RELN: variants seen among roughly 807,000 people sequenced by gnomAD.
RELN encodes the protein reelin.
RELN carries 108 observed loss-of-function variants against 427.6 expected under a neutral mutation model. The ratio of observed to expected loss-of-function variants is 0.25; its 90% CI spans 0.22 to 0.30. RELN has a LOEUF of 0.30. Among genes scored for constraint, RELN ranks in the 10% least tolerant of loss-of-function variants. The pLI, the probability that RELN is intolerant of heterozygous loss-of-function variation, is 1.00. For synonymous variants in RELN, 1,524 were observed against 1,513.4 expected, an observed-to-expected ratio of 1.01 and a Z score of -0.16; for missense variants, 3,715 against 4,302.8, an observed-to-expected ratio of 0.86 and a Z score of 3.82.
rs182997450 is a variant in RELN at position 103,896,827 on chromosome 7, G to A, written c.337+20248C>T. 1.5e-4 allele frequency among the ~76,000 whole-genome samples: 23 copies of A among 152,164 alleles called. No homozygotes were observed. The East Asian group carries it at 4.3e-3, about 28-fold the overall frequency. On this transcript the variant is annotated intron_variant, in intron 2 of 64. Coordinates refer to ENST00000428762, the MANE Select transcript of RELN (RefSeq NM_005045.4). ...TTTCATAATAAAATGTTGAACAGTA[G>A]ACTGATACGACTTCAATTAAATACA... is the stretch of plus-strand genomic sequence containing the variant.
At chr7:103,896,378 T>C (rs1794961090) in intron 2 of RELN, among the ~76,000 whole-genome samples, 1 of 152,050 alleles carries the variant, frequency 6.6e-6, no homozygotes, top group Non-Finnish European at 1.5e-5. Flanking sequence ...AGCAGCTGTA[T>C]GCATAATAAC....
At chr7:103,688,244 C>T (rs1228712752) in intron 10 of RELN, among the ~76,000 whole-genome samples, 1 of 152,142 alleles carries the variant, frequency 6.6e-6, no homozygotes, top group Non-Finnish European at 1.5e-5. Context: ...ACAAGTCTAA[C>T]TGAGCTCAGG....
rs1422208791 is a variant in RELN, at chr7:103,561,690, C to A, written c.5371G>T (p.Gly1791Ter). The change falls in exon 36 of 65, where the codon GGA becomes TGA. Residue 1791 changes from glycine (G) to a stop codon, truncating the protein, a stop_gained. Coordinates refer to ENST00000428762, the MANE Select transcript of RELN (RefSeq NM_005045.4). LOFTEE classifies it high-confidence loss of function. ...GGAACAACAGGAACACAATAGGGTC[C>A]ACCAAAGCCCCGGTCACACCTAAGA... ...GRCVCDRGFG[G>*]PYCVPVVPLP... 1 of 1,613,780 alleles carries A rather than the reference C, an allele frequency of 6.2e-7. No homozygotes were observed. The highest frequency in any genetic ancestry group is 8.5e-7 in the Non-Finnish European group (1 of 1,179,936).
At chr7:103,728,725 T>C (rs1424233670) in intron 6 of RELN, among the ~76,000 whole-genome samples, 5 of 152,154 alleles carry the variant, frequency 3.3e-5, no homozygotes, top group Non-Finnish European at 7.4e-5. Context: ...TTTTAAACAT[T>C]TTTCTTTGGA....
chr7:103,544,243 T>C (rs1830238054), intron 42 of RELN, among the ~76,000 whole-genome samples: 1 of 56,926 alleles, frequency 1.8e-5, no homozygotes, highest in African/African-American at 5.4e-5. Flanking sequence ...TTTTTTTTTT[T>C]TTTTTTTTTT....
chr7:103,519,286 G>A (rs373014235), intron 49 of RELN, 37 bp downstream of exon 49: 216 of 1,504,476 alleles, frequency 1.4e-4, no homozygotes, highest in Admixed American at 8.4e-4. Flanking sequence ...ATCTCTGCTC[G>A]ATGTACTCGT....
At chr7:103,926,099 C>CTT (rs55899563) in intron 1 of RELN, among the ~76,000 whole-genome samples, 5 of 90,070 alleles carry the variant, frequency 5.6e-5, no homozygotes, top group African/African-American at 8.7e-5. Context: ...CCCACCCCGC[C>CTT]TTTTTTTTTT....
At chr7:103,888,398 G>A (rs1450819099) in intron 2 of RELN, among the ~76,000 whole-genome samples, 2 of 152,118 alleles carry the variant, frequency 1.3e-5, no homozygotes, top group African/African-American at 4.8e-5. Flanking sequence ...GCTGGGGCTT[G>A]GACCAAGAAC....
At chr7:103,535,549 T>C in intron 45 of RELN, 65 bp from the exon 46 acceptor site, 1 of 1,453,546 alleles carries the variant, frequency 6.9e-7, no homozygotes, top group East Asian at 2.3e-5. Context: ...CATAATTGTT[T>C]ATCACATTTG....
At chr7:103,671,153 G>A (rs944205597) in intron 11 of RELN, among the ~76,000 whole-genome samples, 5 of 152,060 alleles carry the variant, frequency 3.3e-5, no homozygotes, top group African/African-American at 4.8e-5. Context: ...TCTAGTACGA[G>A]TCCTCTGAAG....
intron 3 of RELN, among the ~76,000 whole-genome samples, chr7:103,826,151 A>T (rs185467514): frequency 7.2e-6 from 1 of 138,692 alleles, no homozygotes; most frequent in East Asian, 2.1e-4. Flanking sequence ...AGTTTCTGCC[A>T]TGTGATGCCT....
At chr7:103,778,096 C>T (rs1207756010) in intron 3 of RELN, among the ~76,000 whole-genome samples, 1 of 152,138 alleles carries the variant, frequency 6.6e-6, no homozygotes, top group East Asian at 1.9e-4. Context: ...TTTAAATATT[C>T]ACATAAGTTT....
intron 61 of RELN, among the ~76,000 whole-genome samples, chr7:103,484,904 G>C (rs80248035): frequency 0.01 from 1,557 of 152,232 alleles, 31 homozygotes; most frequent in African/African-American, 0.036. Context: ...TCAGAGCTGA[G>C]GGAAAACTGA....
intron 7 of RELN, among the ~76,000 whole-genome samples, chr7:103,726,853 C>T (rs924027519): frequency 6.6e-6 from 1 of 152,084 alleles, no homozygotes; most frequent in Non-Finnish European, 1.5e-5. Context: ...AAAATCTTCA[C>T]CACCAGAGTC....
Position 103,722,757 on chromosome 7 carries a change from T to C in RELN, c.805+383A>G, listed in dbSNP as rs187228411. ...ATTGGTTTCTTTCGGTTACCAGTAA[T>C]TATCTTTCTCACTACCAGTTAGTCA... On this transcript the variant is annotated intron_variant, in intron 8 of 64. Transcript: ENST00000428762. Among the ~76,000 whole-genome samples the C allele has an allele frequency of 1.0e-3, 156 of 152,292 alleles. 2 individuals carry two copies. The highest frequency in any genetic ancestry group is 5.6e-3 in the Admixed American group (85 of 15,278).
intron 15 of RELN, among the ~76,000 whole-genome samples, chr7:103,650,983 C>T (rs1832902677): frequency 6.6e-6 from 1 of 152,026 alleles, no homozygotes; most frequent in African/African-American, 2.4e-5. Flanking sequence ...AGAAATTTTT[C>T]CATCAGTGCT....
intron 50 of RELN, 94 bp from the exon 51 acceptor site, chr7:103,511,099 T>C (rs1584251216): frequency 1.2e-6 from 1 of 826,074 alleles, no homozygotes; most frequent in Non-Finnish European, 2.1e-6. Context: ...TTATTTTAAG[T>C]AGAAACTGCT....
At chr7:103,904,318 G>A (rs1013632953) in intron 2 of RELN, among the ~76,000 whole-genome samples, 10 of 152,018 alleles carry the variant, frequency 6.6e-5, no homozygotes, top group African/African-American at 1.9e-4. Flanking sequence ...ATAAACATAC[G>A]TGTCCATGTG....
intron 20 of RELN, among the ~76,000 whole-genome samples, chr7:103,614,250 G>A (rs1445733080): frequency 6.6e-6 from 1 of 152,190 alleles, no homozygotes; most frequent in African/African-American, 2.4e-5. Context: ...GTTATTTGGT[G>A]TCTCCCATTT....
Sources: gnomAD v4.1 joint callset for allele counts (sites outside exome capture counted in the v4.1 genomes callset) on GRCh38, gnomAD v4.1.1 for gene constraint, MANE v1.5 for transcripts, NCBI Gene and HGNC (gene_info 2026-07-23, HGNC 2026-07-21) for gene names.